FNBP1: variants seen among roughly 807,000 people sequenced by gnomAD.
FNBP1 encodes formin-binding protein 1.
A neutral mutation model predicts 90.6 loss-of-function variants in FNBP1; 26 were observed. The observed-to-expected ratio is 0.29, with a 90% CI of 0.21 to 0.40. The LOEUF (loss-of-function observed/expected upper bound fraction) is 0.40, where lower values mean the gene tolerates loss of function less well. FNBP1 is among the 10% of genes least tolerant of loss of function. FNBP1 has a pLI of 1.00. For missense variants in FNBP1, 635 were observed against 768.0 expected, an observed-to-expected ratio of 0.83 and a Z score of 2.05; for synonymous variants, 260 against 265.2, an observed-to-expected ratio of 0.98 and a Z score of 0.19.
the FNBP1 span, among the ~76,000 whole-genome samples, chr9:130,048,505 T>TTTTTTTTTTTG: frequency 6.8e-6 from 1 of 146,670 alleles, no homozygotes; most frequent in African/African-American, 2.5e-5. Context: ...TTTTTTTTTT[T>TTTTTTTTTTTG]GAGACGGAGT....
intron 6 of FNBP1, among the ~76,000 whole-genome samples, chr9:129,935,696 C>G: frequency 6.6e-6 from 1 of 152,050 alleles, no homozygotes; most frequent in Admixed American, 6.6e-5. Context: ...ACCTTGTTAG[C>G]CAGGATGGTC....
At chr9:129,960,127 C>A (rs2047562316) in intron 4 of FNBP1, among the ~76,000 whole-genome samples, 2 of 151,870 alleles carry the variant, frequency 1.3e-5, no homozygotes, top group Admixed American at 1.3e-4. Flanking sequence ...TGCGGCCAGG[C>A]CAGCACTTTG....
intron 1 of FNBP1, among the ~76,000 whole-genome samples, chr9:130,010,574 T>TA (rs1437092117): frequency 6.6e-6 from 1 of 152,144 alleles, no homozygotes; most frequent in Non-Finnish European, 1.5e-5. Context: ...TCTTCTTTAC[T>TA]TGACGTGGTC....
At chr9:129,958,618 C>T in intron 4 of FNBP1, 65 bp from the exon 5 acceptor site, 2 of 1,236,320 alleles carry the variant, frequency 1.6e-6, no homozygotes, top group Non-Finnish European at 1.2e-6. Context: ...CAGGAGGAAA[C>T]ATTTTCATCC....
chr9:129,980,502 G>C (rs2051032239), intron 2 of FNBP1, among the ~76,000 whole-genome samples: 1 of 152,018 alleles, frequency 6.6e-6, no homozygotes, highest in Non-Finnish European at 1.5e-5. Context: ...TTGATGCTAA[G>C]ACATTTAACT....
intron 12 of FNBP1, among the ~76,000 whole-genome samples, chr9:129,904,569 T>C (rs1207653847): frequency 1.3e-5 from 2 of 152,144 alleles, no homozygotes; most frequent in Admixed American, 6.5e-5. Flanking sequence ...TCATGAGAAA[T>C]AGTTTAACTA....
At chr9:129,960,332 C>T (rs922045303) in intron 4 of FNBP1, among the ~76,000 whole-genome samples, 2 of 145,944 alleles carry the variant, frequency 1.4e-5, no homozygotes, top group Non-Finnish European at 3.0e-5. Context: ...TGCACTGAGC[C>T]GAGATCGCGC....
intron 1 of FNBP1, among the ~76,000 whole-genome samples, chr9:130,030,498 G>C (rs954371654): frequency 2.0e-5 from 3 of 151,796 alleles, no homozygotes; most frequent in African/African-American, 7.3e-5. Flanking sequence ...AGAAAGAATG[G>C]GTTAACAGGA....
At chr9:130,052,745 TTTTTAG>T in the FNBP1 span, among the ~76,000 whole-genome samples, 19 of 152,038 alleles carry the variant, frequency 1.2e-4, no homozygotes, top group African/African-American at 4.6e-4. Context: ...CCTCATTTCG[TTTTTAG>T]TACAGTATTA....
chr9:129,979,572 G>A (rs1345978768), intron 2 of FNBP1, among the ~76,000 whole-genome samples, 198 bp from the exon 3 acceptor site: 1 of 152,198 alleles, frequency 6.6e-6, no homozygotes, highest in Non-Finnish European at 1.5e-5. Context: ...TTCATCTTTT[G>A]TCTCAAAGCA....
intron 2 of FNBP1, among the ~76,000 whole-genome samples, chr9:129,983,097 T>C (rs1053440049): frequency 5.3e-5 from 8 of 152,264 alleles, no homozygotes; most frequent in Non-Finnish European, 1.0e-4. Flanking sequence ...TGTAGCCTCC[T>C]TTCAGTCCTT....
intron 2 of FNBP1, among the ~76,000 whole-genome samples, chr9:129,982,887 C>A (rs1488953878): frequency 2.0e-5 from 3 of 152,162 alleles, no homozygotes; most frequent in East Asian, 3.9e-4. Context: ...TGGTCACAAA[C>A]TCCTAGCCTC....
the FNBP1 span, among the ~76,000 whole-genome samples, chr9:130,052,287 C>A: frequency 6.6e-6 from 1 of 152,082 alleles, no homozygotes; most frequent in Non-Finnish European, 1.5e-5. Flanking sequence ...ATGATAATAC[C>A]CAAGTATAGA....
intron 2 of FNBP1, among the ~76,000 whole-genome samples, chr9:129,980,361 CA>C (rs201407388): frequency 2.8e-3 from 313 of 110,000 alleles, no homozygotes; most frequent in Non-Finnish European, 2.2e-3. Flanking sequence ...ACTCCATCTC[CA>C]AAAAAAAAAA....
intron 6 of FNBP1, among the ~76,000 whole-genome samples, chr9:129,943,655 G>C (rs971562222): frequency 1.3e-5 from 2 of 151,928 alleles, no homozygotes; most frequent in Admixed American, 6.6e-5. Context: ...CTAAAGTGCT[G>C]GGATTACAGG....
chr9:130,033,846 C>CAAAAAAAAAAAAA (rs36040639), intron 1 of FNBP1, among the ~76,000 whole-genome samples: 1 of 103,696 alleles, frequency 9.6e-6, no homozygotes, highest in Non-Finnish European at 1.8e-5. Context: ...ACTAAAAATA[C>CAAAAAAAAAAAAA]AAAAAAAAAA....
chr9:129,973,384 T>C (rs1378355913), intron 4 of FNBP1, among the ~76,000 whole-genome samples: 1 of 152,214 alleles, frequency 6.6e-6, no homozygotes, highest in Non-Finnish European at 1.5e-5. Context: ...TACAATAAAA[T>C]AGTGTTTACT....
chr9:129,939,593 G>A (rs888998112), intron 6 of FNBP1, among the ~76,000 whole-genome samples: 2 of 152,116 alleles, frequency 1.3e-5, no homozygotes, highest in African/African-American at 4.8e-5. Context: ...TGGAGTGGGG[G>A]AAGAGTGTCT....
At chr9:129,934,282 A>G (rs894966567) in intron 6 of FNBP1, among the ~76,000 whole-genome samples, 5 of 152,344 alleles carry the variant, frequency 3.3e-5, no homozygotes, top group African/African-American at 1.2e-4. Context: ...AAGACACTGC[A>G]TCTTACAGCA....
Sources: allele counts gnomAD v4.1 joint callset (sites outside exome capture counted in the v4.1 genomes callset), GRCh38; gene constraint gnomAD v4.1.1; transcripts MANE v1.5; gene names NCBI Gene and HGNC (gene_info 2026-07-23, HGNC 2026-07-21).